Variants in CAAP1 observed in about 807,000 individuals in gnomAD.
The protein encoded by CAAP1 is caspase activity and apoptosis inhibitor 1.
Under a neutral mutation model 34.0 loss-of-function variants are expected in CAAP1, and 20 were observed. The ratio of observed to expected loss-of-function variants is 0.59; its 90% CI spans 0.41 to 0.86. CAAP1 has a LOEUF of 0.86. Ranked by LOEUF, CAAP1 falls within the 40% of genes least tolerant of loss-of-function variation. The probability of loss-of-function intolerance (pLI) is 0.00; values close to 1 mark genes in which losing one functional copy is unlikely to be tolerated. For missense variants in CAAP1, 538 were observed against 450.5 expected, an observed-to-expected ratio of 1.19 and a Z score of -1.76; for synonymous variants, 213 against 166.7, an observed-to-expected ratio of 1.28 and a Z score of -2.14.
chr9:26,848,626 T>C (rs1167664848), intron 5 of CAAP1, among the ~76,000 whole-genome samples: 2 of 152,240 alleles, frequency 1.3e-5, no homozygotes, highest in South Asian at 2.1e-4. Flanking sequence ...TTATCTAATT[T>C]AGAGAATCCC....
chr9:26,869,725 C>T (rs1823227880), intron 4 of CAAP1, among the ~76,000 whole-genome samples: 3 of 152,100 alleles, frequency 2.0e-5, no homozygotes, highest in Admixed American at 2.0e-4. Context: ...TCTTGGTAAG[C>T]CAACAGTTTA....
Position 26,887,336 on chromosome 9 carries a change from T to G in CAAP1, c.481A>C (p.Lys161Gln). Residue 161 changes from lysine (K) to glutamine (Q), a missense_variant, in exon 2 of 6, where the codon AAG becomes CAG. By Grantham distance (53) the Lys-to-Gln change is moderately conservative (BLOSUM62 1). Coordinates refer to ENST00000333916, the MANE Select transcript of CAAP1 (RefSeq NM_024828.4). ...FCIIGEKKLQKMLPDVLKNCS... is the reference protein window; with the variant it reads ...FCIIGEKKLQQMLPDVLKNCS... Reference sequence around the variant, plus strand: ...ACCTTTAACACATCAGGAAGCATCTTCTGTAACTTTTTCTCTCCTATAATA... The same window carrying G: ...ACCTTTAACACATCAGGAAGCATCTGCTGTAACTTTTTCTCTCCTATAATA... 1 of 1,603,778 alleles carries G rather than the reference T, an allele frequency of 6.2e-7. No homozygotes were observed. The highest frequency in any genetic ancestry group is 1.1e-5 in the South Asian group (1 of 89,274).
intron 3 of CAAP1, among the ~76,000 whole-genome samples, chr9:26,885,855 T>C (rs1488319836): frequency 6.6e-6 from 1 of 152,216 alleles, no homozygotes; most frequent in South Asian, 2.1e-4. Flanking sequence ...AAACATTTTT[T>C]ATTTCATTTT....
intron 5 of CAAP1, among the ~76,000 whole-genome samples, chr9:26,860,574 C>G (rs1221453885): frequency 6.6e-6 from 1 of 152,050 alleles, no homozygotes; most frequent in South Asian, 2.1e-4. Context: ...GGGTGGATCA[C>G]AAGGTCAGGA....
At chr9:26,864,151 G>A (rs1198890358) in intron 4 of CAAP1, among the ~76,000 whole-genome samples, 1 of 152,070 alleles carries the variant, frequency 6.6e-6, no homozygotes, top group South Asian at 2.1e-4. Context: ...AATCACAAGA[G>A]AGCCCTATAC....
intron 5 of CAAP1, among the ~76,000 whole-genome samples, chr9:26,850,018 T>G (rs142149358): frequency 6.6e-6 from 1 of 152,218 alleles, no homozygotes; most frequent in African/African-American, 2.4e-5. Context: ...TTTTGTATTT[T>G]TAGTAGAGAC....
At chr9:26,887,197 G>A (rs762166156) in intron 2 of CAAP1, 116 bp downstream of exon 2, 8 of 658,868 alleles carry the variant, frequency 1.2e-5, no homozygotes, top group Non-Finnish European at 2.0e-5. Context: ...GGGCGACAGA[G>A]CAAGACTCCG....
At chr9:26,849,177 C>T (rs979440415) in intron 5 of CAAP1, among the ~76,000 whole-genome samples, 1 of 152,208 alleles carries the variant, frequency 6.6e-6, no homozygotes, top group African/African-American at 2.4e-5. Context: ...GCCAGAGGAT[C>T]AACTATAAGG....
rs1296908006 is a variant in CAAP1 at position 26,841,393 on chromosome 9, C to G, written c.*908G>C. 6.6e-6 allele frequency: 1 copy of G among 152,470 alleles called. No homozygotes were observed. The highest frequency in any genetic ancestry group is 1.5e-5 in the Non-Finnish European group (1 of 67,974). 9.4% of individuals were successfully genotyped at this position (152,470 alleles called of 1,614,324 possible). ...TGGTAATTTATTTACAAAAACTATA[C>G]AAAATTAGATTAATTATAACAACAA... On this transcript the variant is annotated 3_prime_UTR_variant, in exon 6 of 6. Transcript: ENST00000333916.
chr9:26,887,561 T>A, intron 1 of CAAP1, 48 bp from the exon 2 acceptor site: 1 of 1,129,180 alleles, frequency 8.9e-7, no homozygotes, highest in Non-Finnish European at 1.3e-6. Flanking sequence ...ACTTAAAATA[T>A]AAAGAATACG....
rs573585014 is a variant in CAAP1, at chr9:26,865,300, A to G, written c.666-4161T>C. 2.0e-5 allele frequency among the ~76,000 whole-genome samples: 3 copies of G among 152,290 alleles called. No individual in the cohort carries two copies. The South Asian group carries it at 6.2e-4, about 32-fold the overall frequency. On this transcript the variant is annotated intron_variant, in intron 4 of 5. Transcript: ENST00000333916. ...AGCACTTTGGGAGGCCAAGGTAGGC[A>G]GATCACCTGAGGTCAGAGTTTGAGA... is the stretch of plus-strand genomic sequence containing the variant.
intron 4 of CAAP1, among the ~76,000 whole-genome samples, chr9:26,882,801 C>G (rs974282184): frequency 6.6e-6 from 1 of 152,176 alleles, no homozygotes; most frequent in Non-Finnish European, 1.5e-5. Context: ...AGGCGCGGGG[C>G]TTTCCAAGAC....
chr9:26,880,686 T>C (rs1554652582), intron 4 of CAAP1: 1 of 152,218 alleles, frequency 6.6e-6, no homozygotes, highest in Non-Finnish European at 1.5e-5. Flanking sequence ...TTTCTTTCTT[T>C]ATTTATTTTT....
chr9:26,864,863 T>C (rs1316729082), intron 4 of CAAP1, among the ~76,000 whole-genome samples: 1 of 152,244 alleles, frequency 6.6e-6, no homozygotes, highest in Non-Finnish European at 1.5e-5. Flanking sequence ...TTGCCAGTGA[T>C]TAGTAATACT....
At chr9:26,857,232 C>A (rs76981184) in intron 5 of CAAP1, among the ~76,000 whole-genome samples, 1 of 152,192 alleles carries the variant, frequency 6.6e-6, no homozygotes, top group African/African-American at 2.4e-5. Flanking sequence ...CACAGGTATG[C>A]GCATGCACAC....
intron 4 of CAAP1, among the ~76,000 whole-genome samples, chr9:26,880,942 C>T (rs934456135): frequency 1.3e-5 from 2 of 152,186 alleles, no homozygotes; most frequent in African/African-American, 2.4e-5. Context: ...TTCCAAAGTG[C>T]TGTGATTACA....
chr9:26,872,178 G>A (rs1220319726), intron 4 of CAAP1, among the ~76,000 whole-genome samples: 2 of 152,116 alleles, frequency 1.3e-5, no homozygotes, highest in South Asian at 2.1e-4. Context: ...TATTTTTCAA[G>A]AATAAATATC....
rs1823594529 is a variant in CAAP1, at chr9:26,881,592, A to G, written c.665+3218T>C. Reference sequence around the variant, plus strand: ...CCATGACTGTGAGGCCTCCTCAGCCATATGGAACTGTGAGTCCAGTAAACC... The same window carrying G: ...CCATGACTGTGAGGCCTCCTCAGCCGTATGGAACTGTGAGTCCAGTAAACC... On this transcript the variant is annotated intron_variant, in intron 4 of 5. Transcript: ENST00000333916. Among the ~76,000 whole-genome samples, 2 of 152,254 alleles carry G rather than the reference A, an allele frequency of 1.3e-5. 1 individual carries two copies. Among genetic ancestry groups the G allele is most frequent in the African/African-American group, 4.8e-5 (2 of 41,476 alleles).
intron 1 of CAAP1, among the ~76,000 whole-genome samples, chr9:26,888,974 T>C (rs143420694): frequency 1.1e-3 from 175 of 152,354 alleles, no homozygotes; most frequent in Non-Finnish European, 2.3e-3. Context: ...CATGAATCTC[T>C]GTGATACAAA....
Sources: allele counts gnomAD v4.1 joint callset (sites outside exome capture counted in the v4.1 genomes callset), GRCh38; gene constraint gnomAD v4.1.1; transcripts MANE v1.5; gene names NCBI Gene and HGNC (gene_info 2026-07-23, HGNC 2026-07-21).